The following GPC5 variants were observed in gnomAD, a reference collection of about 807,000 sequenced individuals.
GPC5 encodes the protein glypican 5.
A neutral mutation model predicts 53.9 loss-of-function variants in GPC5; 47 were observed. That is an observed-to-expected ratio of 0.87 (90% confidence interval 0.69 to 1.11). The LOEUF (loss-of-function observed/expected upper bound fraction) is 1.11. Ranked by LOEUF, GPC5 falls within the 50% of genes most tolerant of loss-of-function variation. GPC5 has a pLI of 0.00. For missense variants in GPC5, 748 were observed against 713.1 expected (o/e 1.05, Z -0.56); for synonymous variants, 286 against 263.3 (o/e 1.09, Z -0.84).
chr13:91,819,271 T>C, intron 5 of GPC5, among the ~76,000 whole-genome samples: 1 of 145,534 alleles, frequency 6.9e-6, no homozygotes, highest in Non-Finnish European at 1.5e-5. Flanking sequence ...GTGATTCTCC[T>C]GCCTCAGCCT....
At chr13:92,168,946 T>C (rs1279485216) in intron 7 of GPC5, among the ~76,000 whole-genome samples, 2 of 152,184 alleles carry the variant, frequency 1.3e-5, no homozygotes, top group African/African-American at 2.4e-5. Context: ...CCAACAGTTA[T>C]AGACCGGATA....
chr13:92,104,208 A>G (rs192849473), intron 6 of GPC5, among the ~76,000 whole-genome samples: 105 of 152,166 alleles, frequency 6.9e-4, no homozygotes, highest in Non-Finnish European at 1.1e-3. Flanking sequence ...ATCCCAATGA[A>G]TGGCTGCTAA....
At chr13:91,546,205 A>G (rs2030278627) in intron 2 of GPC5, among the ~76,000 whole-genome samples, 1 of 152,140 alleles carries the variant, frequency 6.6e-6, no homozygotes, top group Admixed American at 6.5e-5. Context: ...AGTAGAAGAA[A>G]ATAGGAAAAC....
At chr13:92,240,599 GT>G (rs1450085150) in intron 7 of GPC5, 1 of 152,350 alleles carries the variant, frequency 6.6e-6, no homozygotes, top group African/African-American at 2.4e-5. Flanking sequence ...CACCTCCCAG[GT>G]TTAAGCGATT....
At chr13:92,510,492 A>G (rs1355307699) in intron 7 of GPC5, among the ~76,000 whole-genome samples, 1 of 152,166 alleles carries the variant, frequency 6.6e-6, no homozygotes, top group Non-Finnish European at 1.5e-5. Flanking sequence ...GGCTTCAGGG[A>G]GCTACCTTTT....
At chr13:91,806,178 G>A (rs2038218175) in intron 5 of GPC5, among the ~76,000 whole-genome samples, 1 of 151,348 alleles carries the variant, frequency 6.6e-6, no homozygotes, top group South Asian at 2.1e-4. Context: ...TGGGACTACA[G>A]ACATCTGCCA....
At chr13:92,242,798 T>C (rs1819439) in intron 7 of GPC5, among the ~76,000 whole-genome samples, 24,274 of 152,136 alleles carry the variant, frequency 0.16, 2,369 homozygotes, top group Admixed American at 0.22. Flanking sequence ...ATACTAGGCA[T>C]TTTATTAAAG....
At chr13:92,497,717 T>C (rs907289488) in intron 7 of GPC5, among the ~76,000 whole-genome samples, 1 of 152,170 alleles carries the variant, frequency 6.6e-6, no homozygotes, top group African/African-American at 2.4e-5. Flanking sequence ...ATTCATGATA[T>C]TGATTCTTCC....
intron 7 of GPC5, among the ~76,000 whole-genome samples, chr13:92,602,236 AT>A (rs1566314094): frequency 0.42 from 43,385 of 103,784 alleles, 9,304 homozygotes; most frequent in East Asian, 0.72. Context: ...TATATAACAT[AT>A]ATATATATAT....
intron 7 of GPC5, among the ~76,000 whole-genome samples, chr13:92,788,542 C>A (rs554928206): frequency 6.6e-6 from 1 of 152,288 alleles, no homozygotes; most frequent in Non-Finnish European, 1.5e-5. Flanking sequence ...TTTGTGTCAG[C>A]ACATCTAAAT....
At chr13:92,474,211 G>C (rs1594232411) in intron 7 of GPC5, among the ~76,000 whole-genome samples, 1 of 151,158 alleles carries the variant, frequency 6.6e-6, no homozygotes, top group South Asian at 2.1e-4. Flanking sequence ...ATCGGTCCTT[G>C]GGACAAAACC....
At chr13:91,951,928 TTC>T (rs2040029250) in intron 6 of GPC5, among the ~76,000 whole-genome samples, 2 of 152,140 alleles carry the variant, frequency 1.3e-5, no homozygotes, top group Non-Finnish European at 2.9e-5. Flanking sequence ...CATAAAATCT[TTC>T]TCTTATGAAA....
chr13:92,605,801 GA>G (rs796769487), intron 7 of GPC5, among the ~76,000 whole-genome samples: 11 of 148,358 alleles, frequency 7.4e-5, no homozygotes, highest in Non-Finnish European at 1.3e-4. Flanking sequence ...GACACCAAGG[GA>G]AAAAAAAAGT....
intron 6 of GPC5, among the ~76,000 whole-genome samples, chr13:91,915,131 G>A (rs2039646157): frequency 6.6e-6 from 1 of 152,124 alleles, no homozygotes; most frequent in East Asian, 1.9e-4. Context: ...ATATTCCAGA[G>A]AAACGAACAG....
At chr13:92,705,143 TTTGTCTTGCCAA>T (rs1887907427) in intron 7 of GPC5, among the ~76,000 whole-genome samples, 1 of 152,024 alleles carries the variant, frequency 6.6e-6, no homozygotes, top group Admixed American at 6.6e-5. Context: ...TGGTCATTTT[TTTGTCTTGCCAA>T]CAAGCTCCAC....
intron 6 of GPC5, among the ~76,000 whole-genome samples, chr13:91,978,430 G>A (rs934233069): frequency 3.9e-5 from 6 of 152,108 alleles, no homozygotes; most frequent in African/African-American, 1.4e-4. Context: ...AACCACTGGC[G>A]ACAAATATAG....
chr13:92,434,578 T>C (rs1419601668), intron 7 of GPC5, among the ~76,000 whole-genome samples: 3 of 152,184 alleles, frequency 2.0e-5, no homozygotes, highest in Non-Finnish European at 4.4e-5. Flanking sequence ...TCTCGTGATA[T>C]CAGGAAATAA....
At position 92,537,988 on chromosome 13, in the gene GPC5, AT is replaced by A. The variant is rs533331049; in HGVS notation, c.1562-328289del. 3.7e-4 allele frequency among the ~76,000 whole-genome samples: 57 copies of A among 152,154 alleles called. No homozygotes were observed. In the South Asian group the frequency reaches 0.011, roughly 30 times the overall value. On this transcript the variant is annotated intron_variant, in intron 7 of 7. Transcript: ENST00000377067. ...TTAAAGATGCTGGTCTGAACATTTAATTTTTCATGTTAAGAAGCTTAAAGAA... is the reference window on the plus strand; with the variant it reads ...TTAAAGATGCTGGTCTGAACATTTAATTTTCATGTTAAGAAGCTTAAAGAA...
chr13:92,424,041 T>G (rs551525119), intron 7 of GPC5, among the ~76,000 whole-genome samples: 7 of 152,276 alleles, frequency 4.6e-5, no homozygotes, highest in African/African-American at 1.4e-4. Context: ...ATGAAGAGTA[T>G]TTGAAACCTG....
Sources: allele counts gnomAD v4.1 joint callset (sites outside exome capture counted in the v4.1 genomes callset), GRCh38; gene constraint gnomAD v4.1.1; transcripts MANE v1.5; gene names NCBI Gene and HGNC (gene_info 2026-07-23, HGNC 2026-07-21).